The following BCL11B variants were observed in gnomAD, a reference collection of about 807,000 sequenced individuals.
BCL11B encodes BCL11 transcription factor B, also known as B-cell lymphoma/leukemia 11B.
In BCL11B, 8 loss-of-function variants were observed where a neutral mutation model predicts 49.9. The observed-to-expected ratio is 0.16, with a 90% CI of 0.09 to 0.29. BCL11B has a LOEUF of 0.29. BCL11B is among the 10% of genes least tolerant of loss of function. The pLI is 1.00. For synonymous variants in BCL11B, 739 were observed against 637.4 expected, an observed-to-expected ratio of 1.16 and a Z score of -2.40; for missense variants, 1,006 against 1,351.0, an observed-to-expected ratio of 0.74 and a Z score of 4.00.
chr14:99,193,467 TA>T (rs892612354), intron 3 of BCL11B, among the ~76,000 whole-genome samples: 37 of 147,366 alleles, frequency 2.5e-4, no homozygotes, highest in Middle Eastern at 3.5e-3. Flanking sequence ...AAAGGAAGTT[TA>T]AAAAAAAAAG....
chr14:99,230,246 G>A (rs1159965500), intron 3 of BCL11B, among the ~76,000 whole-genome samples: 3 of 152,190 alleles, frequency 2.0e-5, no homozygotes, highest in Admixed American at 2.0e-4. Flanking sequence ...ATCAGGGACC[G>A]CCTGTGGGGA....
At chr14:99,197,771 G>A (rs1252286884) in intron 3 of BCL11B, among the ~76,000 whole-genome samples, 9 of 152,172 alleles carry the variant, frequency 5.9e-5, no homozygotes, top group African/African-American at 1.9e-4. Context: ...ACTCAGAGAC[G>A]GAGGCCATCA....
At chr14:99,182,778 T>G (rs889069291) in intron 3 of BCL11B, among the ~76,000 whole-genome samples, 6 of 152,110 alleles carry the variant, frequency 3.9e-5, no homozygotes, top group African/African-American at 1.4e-4. Flanking sequence ...CCCCGCACTC[T>G]CCCTCCAGGC....
At chr14:99,234,880 A>AAAAAAAAAAAAG in intron 2 of BCL11B, among the ~76,000 whole-genome samples, 1 of 119,892 alleles carries the variant, frequency 8.3e-6, no homozygotes, top group Non-Finnish European at 1.7e-5. Flanking sequence ...AAAAAAAAAA[A>AAAAAAAAAAAAG]GTCTAAAAAT....
At chr14:99,245,580 A>ACGGCGC (rs981361531) in intron 2 of BCL11B, among the ~76,000 whole-genome samples, 1 of 152,212 alleles carries the variant, frequency 6.6e-6, no homozygotes, top group African/African-American at 2.4e-5. Context: ...GCTGAGGAAG[A>ACGGCGC]CGGCGCCACT....
At chr14:99,260,644 CCT>C (rs1028847925) in intron 1 of BCL11B, among the ~76,000 whole-genome samples, 2 of 152,156 alleles carry the variant, frequency 1.3e-5, no homozygotes, top group African/African-American at 4.8e-5. Flanking sequence ...TCCTTTCTCT[CCT>C]CTTTTTTTTA....
intron 3 of BCL11B, among the ~76,000 whole-genome samples, chr14:99,214,385 GTC>G (rs1334063452): frequency 2.0e-5 from 3 of 151,972 alleles, no homozygotes; most frequent in Admixed American, 6.6e-5. Flanking sequence ...GCAAGACCCT[GTC>G]TCTACAAAAA....
chr14:99,184,829 G>T lies in BCL11B; in HGVS notation c.641-8634C>A, dbSNP rs1886806640. On this transcript the variant is annotated intron_variant, in intron 3 of 3. Coordinates refer to ENST00000357195, the MANE Select transcript of BCL11B (RefSeq NM_138576.4). This position sits in a 1 kb window ranked among gnomAD's most constrained non-coding sequence, Gnocchi z 6.1. ...AAAACCTCGCTCACCCCATAGTGTT[G>T]GGTGACCGTCCACTTACCCTCATGG... 6.6e-6 allele frequency among the ~76,000 whole-genome samples: 1 copy of T among 152,200 alleles called. No homozygotes were observed. Among genetic ancestry groups the T allele is most frequent in the Non-Finnish European group, 1.5e-5 (1 of 68,042 alleles).
intron 3 of BCL11B, among the ~76,000 whole-genome samples, chr14:99,177,738 G>A (rs1054613445): frequency 6.6e-6 from 1 of 151,750 alleles, no homozygotes; most frequent in Admixed American, 6.6e-5. Context: ...TCCCAATATC[G>A]GTAAGTTGCC....
At chr14:99,185,830 G>A (rs1383803437) in intron 3 of BCL11B, among the ~76,000 whole-genome samples, 3 of 152,220 alleles carry the variant, frequency 2.0e-5, no homozygotes, top group Non-Finnish European at 4.4e-5. Context: ...CCCTGGAAGA[G>A]TATCAGGATG....
chr14:99,232,472 A>G lies in BCL11B; in HGVS notation c.428-915T>C, dbSNP rs1032610842. Among the ~76,000 whole-genome samples, 3 of 152,248 alleles carry G rather than the reference A, an allele frequency of 2.0e-5. No individual in the cohort carries two copies. The highest frequency in any genetic ancestry group is 7.2e-5 in the African/African-American group (3 of 41,474). On this transcript the variant is annotated intron_variant, in intron 2 of 3. Coordinates refer to ENST00000357195, the MANE Select transcript of BCL11B (RefSeq NM_138576.4). The surrounding 1 kb of genome is among the most constrained non-coding windows in gnomAD (Gnocchi z 5.1). ...CCCTGGGTAAATAATTGAGCAGGGA[A>G]GCATCAGAGAGACAAAAAGGAAACG...
At chr14:99,223,386 G>C (rs1462005770) in intron 3 of BCL11B, among the ~76,000 whole-genome samples, 1 of 152,130 alleles carries the variant, frequency 6.6e-6, no homozygotes, top group Non-Finnish European at 1.5e-5. Flanking sequence ...CTATTATTTT[G>C]TGGAGAGGGT....
intron 3 of BCL11B, among the ~76,000 whole-genome samples, chr14:99,207,658 C>T (rs113992840): frequency 1.3e-5 from 2 of 152,224 alleles, no homozygotes; most frequent in Admixed American, 6.5e-5. Flanking sequence ...ACTTATCAGC[C>T]GGCCCAGAGG....
chr14:99,178,677 GAATA>G (rs1260908013), intron 3 of BCL11B, among the ~76,000 whole-genome samples: 1 of 152,172 alleles, frequency 6.6e-6, no homozygotes, highest in Non-Finnish European at 1.5e-5. Flanking sequence ...GAACAAGGCA[GAATA>G]AATAAGTAAT....
intron 3 of BCL11B, among the ~76,000 whole-genome samples, chr14:99,179,489 A>G (rs1319044532): frequency 1.3e-5 from 2 of 149,060 alleles, no homozygotes; most frequent in African/African-American, 2.4e-5. Flanking sequence ...AAAAAAAAAA[A>G]AAAAAAAAAA....
intron 3 of BCL11B, among the ~76,000 whole-genome samples, chr14:99,218,232 A>ATTTTTTTT (rs34932370): frequency 2.7e-5 from 3 of 112,886 alleles, no homozygotes; most frequent in Non-Finnish European, 5.3e-5. Flanking sequence ...TGCCTGGCTA[A>ATTTTTTTT]TTTTTTTTTT....
chr14:99,258,817 C>A (rs1324937257), intron 1 of BCL11B, among the ~76,000 whole-genome samples: 1 of 152,178 alleles, frequency 6.6e-6, no homozygotes, highest in Admixed American at 6.5e-5. Context: ...AAAAGCATTT[C>A]TTGGAAGATA....
At chr14:99,264,491 G>A (rs1297776816) in intron 1 of BCL11B, 1 of 130,808 alleles carries the variant, frequency 7.6e-6, no homozygotes, top group African/African-American at 2.6e-5. Context: ...TTATGTAAAA[G>A]AGAGGATTTT....
At chr14:99,218,063 T>TG (rs1887903446) in intron 3 of BCL11B, among the ~76,000 whole-genome samples, 1 of 105,972 alleles carries the variant, frequency 9.4e-6, no homozygotes, top group Non-Finnish European at 2.3e-5. Context: ...CATTGCAGGT[T>TG]TTTTTTTTTT....
Sources: gnomAD v4.1 joint callset for allele counts (sites outside exome capture counted in the v4.1 genomes callset) on GRCh38, gnomAD v4.1.1 for gene constraint, Gnocchi (gnomAD v3.1) non-coding constraint, MANE v1.5 for transcripts, NCBI Gene and HGNC (gene_info 2026-07-23, HGNC 2026-07-21) for gene names.